Variants in MTHFD1L observed in about 807,000 individuals in gnomAD.
The protein encoded by MTHFD1L is methylenetetrahydrofolate dehydrogenase (NADP+ dependent) 1 like, also known as monofunctional C1-tetrahydrofolate synthase, mitochondrial.
A neutral mutation model predicts 119.5 loss-of-function variants in MTHFD1L; 81 were observed. That is an observed-to-expected ratio of 0.68 (90% CI 0.57 to 0.82). The LOEUF is 0.82. Among genes scored for constraint, MTHFD1L ranks in the 40% least tolerant of loss-of-function variants. The pLI is 0.00. For synonymous variants in MTHFD1L, 430 were observed against 475.2 expected, an observed-to-expected ratio of 0.90 and a Z score of 1.24; for missense variants, 1,125 against 1,253.4, an observed-to-expected ratio of 0.90 and a Z score of 1.55.
At chr6:151,079,095 A>T (rs914139986) in intron 26 of MTHFD1L, among the ~76,000 whole-genome samples, 1 of 152,136 alleles carries the variant, frequency 6.6e-6, no homozygotes, top group African/African-American at 2.4e-5. Context: ...AGCAACAAAG[A>T]TACAAGACTC....
chr6:150,958,245 T>G (rs1738580), intron 17 of MTHFD1L, among the ~76,000 whole-genome samples: 43,030 of 151,912 alleles, frequency 0.28, 6,411 homozygotes, highest in East Asian at 0.49. Context: ...CATCTTTTTA[T>G]GTCGATAAAG....
chr6:150,870,447 C>G (rs887933346), intron 1 of MTHFD1L, among the ~76,000 whole-genome samples: 1 of 152,100 alleles, frequency 6.6e-6, no homozygotes, highest in African/African-American at 2.4e-5. Flanking sequence ...CTTTACATAC[C>G]TGTACAGGCA....
At chr6:150,997,240 T>C (rs1201796351) in intron 20 of MTHFD1L, among the ~76,000 whole-genome samples, 1 of 152,196 alleles carries the variant, frequency 6.6e-6, no homozygotes, top group African/African-American at 2.4e-5. Flanking sequence ...AGCCGATGAG[T>C]GCACTGCTGG....
intron 7 of MTHFD1L, among the ~76,000 whole-genome samples, chr6:150,893,300 A>G (rs990570786): frequency 1.3e-5 from 2 of 152,096 alleles, no homozygotes; most frequent in African/African-American, 2.4e-5. Flanking sequence ...CCTGACCTCA[A>G]GTGATCCACC....
chr6:151,053,876 A>G (rs530844495), intron 26 of MTHFD1L, among the ~76,000 whole-genome samples: 25 of 151,518 alleles, frequency 1.6e-4, no homozygotes, highest in Middle Eastern at 3.4e-3. Context: ...AAAAAAAAAA[A>G]TGCTTATCAT....
rs191609959 is a variant in MTHFD1L, at chr6:151,006,404, G to T, written c.2126-3415G>T. On this transcript the variant is annotated intron_variant, in intron 20 of 27. Coordinates refer to ENST00000367321, the MANE Select transcript of MTHFD1L (RefSeq NM_015440.5). ...GTGCCGGAAGCTTGATATTACAGAG[G>T]CACGAAGTCTGAGGCAGGGAGTGTG... is the stretch of plus-strand genomic sequence containing the variant. 3.9e-3 allele frequency among the ~76,000 whole-genome samples: 588 copies of T among 152,194 alleles called. 4 individuals carry two copies. The highest frequency in any genetic ancestry group is 5.8e-3 in the Non-Finnish European group (394 of 68,028).
At chr6:150,922,771 G>A (rs1789212500) in intron 10 of MTHFD1L, among the ~76,000 whole-genome samples, 2 of 151,556 alleles carry the variant, frequency 1.3e-5, no homozygotes, top group Middle Eastern at 3.4e-3. Flanking sequence ...AGCCTCCCGG[G>A]TAGCTGAGAT....
At chr6:150,938,663 T>G in intron 12 of MTHFD1L, 36 bp from the exon 13 acceptor site, 2 of 1,597,514 alleles carry the variant, frequency 1.3e-6, no homozygotes, top group East Asian at 2.3e-5. Context: ...CTGTACTTGG[T>G]GACCCGTTTG....
At chr6:151,034,754 T>C (rs1785897958) in intron 25 of MTHFD1L, among the ~76,000 whole-genome samples, 154 bp downstream of exon 25, 1 of 152,152 alleles carries the variant, frequency 6.6e-6, no homozygotes, top group Non-Finnish European at 1.5e-5. Context: ...TCGGGTAGAG[T>C]GTAGACTATA....
chr6:151,052,057 G>A (rs1338566479), intron 26 of MTHFD1L, among the ~76,000 whole-genome samples: 2 of 152,216 alleles, frequency 1.3e-5, no homozygotes, highest in Admixed American at 1.3e-4. Flanking sequence ...ACAAGGGATG[G>A]GATGTGAGCA....
intron 13 of MTHFD1L, among the ~76,000 whole-genome samples, chr6:150,943,191 C>T (rs760191729): frequency 2.0e-5 from 3 of 152,100 alleles, no homozygotes; most frequent in Non-Finnish European, 2.9e-5. Context: ...AGGAGAATCC[C>T]TTGAACCTGG....
intron 26 of MTHFD1L, among the ~76,000 whole-genome samples, chr6:151,080,113 G>T (rs1399002810): frequency 6.6e-6 from 1 of 152,000 alleles, no homozygotes. Context: ...GGGAGGTGGA[G>T]ATTTCAGTGA....
chr6:151,051,985 T>C (rs1005464859), intron 26 of MTHFD1L, among the ~76,000 whole-genome samples: 4 of 152,072 alleles, frequency 2.6e-5, no homozygotes, highest in Admixed American at 6.5e-5. Context: ...GCAATAACAT[T>C]GGAAGTGGAG....
At chr6:150,922,453 T>A (rs1463981155) in intron 10 of MTHFD1L, 151 bp downstream of exon 10, 2 of 511,652 alleles carry the variant, frequency 3.9e-6, no homozygotes, top group Non-Finnish European at 3.4e-6. Context: ...TTTTCTCTAT[T>A]GTAAATTCTC....
At chr6:151,099,624 T>C in intron 27 of MTHFD1L, 1 of 1,607,924 alleles carries the variant, frequency 6.2e-7, no homozygotes, top group Non-Finnish European at 8.5e-7. Context: ...AAATTAAGCG[T>C]AACTGGTGGA....
intron 7 of MTHFD1L, among the ~76,000 whole-genome samples, chr6:150,888,288 G>A (rs1225689848): frequency 2.0e-5 from 3 of 152,258 alleles, no homozygotes; most frequent in South Asian, 2.1e-4. Context: ...CCAAAGAAGG[G>A]TAACATGCTA....
intron 20 of MTHFD1L, among the ~76,000 whole-genome samples, chr6:150,994,089 G>GAAAGAAAGAAAGAAAAGAAAAGAAAAGA (rs1554273922): frequency 3.3e-5 from 4 of 120,540 alleles, no homozygotes; most frequent in Admixed American, 1.5e-4. Context: ...AAGAAAGAAA[G>GAAAGAAAGAAAGAAAAGAAAAGAAAAGA]AAAGAAAGTG....
intron 10 of MTHFD1L, among the ~76,000 whole-genome samples, 200 bp from the exon 11 acceptor site, chr6:150,925,922 G>A (rs1789898807): frequency 6.6e-6 from 1 of 152,018 alleles, no homozygotes; most frequent in Non-Finnish European, 1.5e-5. Context: ...GAGTTTTTTG[G>A]AGTTGCATTT....
At chr6:150,974,859 C>G (rs1052981834) in intron 20 of MTHFD1L, among the ~76,000 whole-genome samples, 1 of 152,060 alleles carries the variant, frequency 6.6e-6, no homozygotes, top group African/African-American at 2.4e-5. Context: ...ACCTCAGCCT[C>G]CCGAGTAGCT....
Sources: gnomAD v4.1 joint callset for allele counts (sites outside exome capture counted in the v4.1 genomes callset) on GRCh38, gnomAD v4.1.1 for gene constraint, MANE v1.5 for transcripts, NCBI Gene and HGNC (gene_info 2026-07-23, HGNC 2026-07-21) for gene names.